The following PASK variants were observed in gnomAD, a reference collection of about 807,000 sequenced individuals.
The protein encoded by PASK is PAS domain-containing serine/threonine-protein kinase.
PASK carries 110 observed loss-of-function variants against 121.0 expected under a neutral mutation model. That is an observed-to-expected ratio of 0.91 (90% CI 0.78 to 1.06). PASK has a LOEUF of 1.06. PASK is among the 50% of genes least tolerant of loss of function. The probability of loss-of-function intolerance (pLI) is 0.00; values close to 1 mark genes in which losing one functional copy is unlikely to be tolerated. For missense variants in PASK, 1,643 were observed against 1,702.3 expected, an observed-to-expected ratio of 0.97 and a Z score of 0.61; for synonymous variants, 686 against 717.8, an observed-to-expected ratio of 0.96 and a Z score of 0.71.
chr2:241,146,815 C>T (rs546111674), intron 1 of PASK, among the ~76,000 whole-genome samples: 1 of 152,298 alleles, frequency 6.6e-6, no homozygotes, highest in African/African-American at 2.4e-5. Flanking sequence ...GCACAGGTCC[C>T]CTGATTTCCT....
upstream of PASK, chr2:241,150,084 G>C (rs2067214285): frequency 7.9e-7 from 1 of 1,270,950 alleles, no homozygotes; most frequent in Admixed American, 4.0e-5. Flanking sequence ...GCACCTTGCA[G>C]CCACGGAAAG....
At chr2:241,139,816 A>G in intron 4 of PASK, 69 bp downstream of exon 4, 1 of 1,439,410 alleles carries the variant, frequency 6.9e-7, no homozygotes, top group Non-Finnish European at 9.7e-7. Flanking sequence ...GGTAGGGAAC[A>G]CTGAGCTGTT....
In PASK at chr2:241,140,023, G is replaced by A. The variant is rs2066629871; in HGVS notation, c.462C>T (p.Leu154=). ...ILVANDKACG[L]LGYSSQDLIG... ...TCAGGTCCTGGCTGCTGTACCCCAGGAGCCCGCAAGCTTTGTCGTTAGCAA... is the reference window on the plus strand; with the variant it reads ...TCAGGTCCTGGCTGCTGTACCCCAGAAGCCCGCAAGCTTTGTCGTTAGCAA... The change falls in exon 4 of 18, where the codon CTC becomes CTT. Residue 154 remains leucine (L), a synonymous_variant. Coordinates refer to ENST00000234040, the MANE Select transcript of PASK (RefSeq NM_015148.4). The A allele has an allele frequency of 5.0e-6, 8 of 1,614,036 alleles. No homozygotes were observed. Among genetic ancestry groups the A allele is most frequent in the South Asian group, 1.1e-5 (1 of 91,086 alleles).
In PASK at chr2:241,108,245, C is replaced by T. The variant is rs1472679481; in HGVS notation, c.3589G>A (p.Val1197Ile). ...WSLGVTLYTL[V>I]FEENPFCELE... ...TCACAGAAGGGGTTCTCCTCAAAGA[C>T]CAGCGTGTACAGAGTGACTCCCAGA... The change falls in exon 16 of 18, where the codon GTC (valine) becomes ATC (isoleucine). Residue 1197 changes from valine to isoleucine, a missense_variant. Val to Ile is a conservative substitution (Grantham distance 29). This residue lies in a region of PASK where 453 missense variants were observed against 511.2 expected (regional missense o/e 0.89). Coordinates refer to ENST00000234040, the MANE Select transcript of PASK (RefSeq NM_015148.4). The surrounding 1 kb of genome is among the most constrained non-coding windows in gnomAD (Gnocchi z 5.2). 1 of 1,613,960 alleles carries T rather than the reference C, an allele frequency of 6.2e-7. No homozygotes were observed. Among genetic ancestry groups the T allele is most frequent in the South Asian group, 1.1e-5 (1 of 91,070 alleles).
chr2:241,139,301 C>T (rs1300376186), intron 4 of PASK, among the ~76,000 whole-genome samples: 1 of 152,176 alleles, frequency 6.6e-6, no homozygotes, highest in East Asian at 1.9e-4. Flanking sequence ...TGCCCTCCAA[C>T]GCTACTCCCC....
Position 241,112,683 on chromosome 2 carries a change from G to A in PASK, c.3334-244C>T. On this transcript the variant is annotated intron_variant, in intron 14 of 17. Transcript: ENST00000234040. The surrounding 1 kb of genome is among the most constrained non-coding windows in gnomAD (Gnocchi z 5.2). ...GCCGGCAAGGTGGCAACATCAATGA[G>A]ACTCGTGAGTTCTGTTTGCTGCTGA... The A allele has an allele frequency of 4.1e-6, 2 of 482,022 alleles. No homozygotes were observed. The highest frequency in any genetic ancestry group is 7.5e-6 in the Non-Finnish European group (2 of 266,392). 29.9% of individuals were successfully genotyped at this position (482,022 alleles called of 1,614,324 possible).
chr2:241,114,824 G>A (rs1391642222), intron 14 of PASK: 25 of 1,459,024 alleles, frequency 1.7e-5, no homozygotes, highest in Non-Finnish European at 2.3e-5. Context: ...GTCATTCCAG[G>A]ACTGTATCTG....
At chr2:241,113,015 CAAT>C (rs1445384539) in intron 14 of PASK, among the ~76,000 whole-genome samples, 5 of 152,234 alleles carry the variant, frequency 3.3e-5, no homozygotes, top group Admixed American at 1.3e-4. Context: ...TGTGGCTACT[CAAT>C]GATGCAGACT....
intron 2 of PASK, among the ~76,000 whole-genome samples, chr2:241,142,012 T>C (rs1163532034): frequency 1.3e-5 from 2 of 152,084 alleles, no homozygotes; most frequent in African/African-American, 4.8e-5. Flanking sequence ...CAACACTCAC[T>C]GAGAACATTC....
chr2:241,115,714 C>T (rs1388793493), intron 12 of PASK, among the ~76,000 whole-genome samples: 1 of 121,530 alleles, frequency 8.2e-6, no homozygotes, highest in Non-Finnish European at 1.7e-5. Flanking sequence ...CCCATTACAC[C>T]GGGGCCACCC....
chr2:241,118,231 A>G (rs895808300), intron 12 of PASK, among the ~76,000 whole-genome samples: 1 of 152,182 alleles, frequency 6.6e-6, no homozygotes, highest in Non-Finnish European at 1.5e-5. Context: ...AAAAAAAAAA[A>G]CACAAAGTTG....
At chr2:241,121,374 G>A (rs970402950) in intron 12 of PASK, among the ~76,000 whole-genome samples, 1 of 152,102 alleles carries the variant, frequency 6.6e-6, no homozygotes, top group African/African-American at 2.4e-5. Context: ...AAATCATGAT[G>A]AAATATTAAA....
At position 241,113,939 on chromosome 2, in the gene PASK, T is replaced by C. The variant is rs886713818; in HGVS notation, c.3333+1104A>G. Reference sequence around the variant, plus strand: ...ATAAAATTGTGCATCTGTATTTACATAGAATAACATTTATGTCTATATATT... The same window carrying C: ...ATAAAATTGTGCATCTGTATTTACACAGAATAACATTTATGTCTATATATT... On this transcript the variant is annotated intron_variant, in intron 14 of 17. Transcript: ENST00000234040. 2.5e-5 allele frequency: 25 copies of C among 982,742 alleles called. No individual in the cohort carries two copies. In the African/African-American group the frequency reaches 3.1e-4, roughly 12 times the overall value. The allele number at this position is 982,742 out of a possible 1,614,324, so 60.9% of individuals were successfully genotyped here.
At chr2:241,124,206 T>C in intron 10 of PASK, 73 bp from the exon 11 acceptor site, 1 of 1,268,866 alleles carries the variant, frequency 7.9e-7, no homozygotes, top group South Asian at 1.2e-5. Flanking sequence ...GTTAGAAAAG[T>C]CCAGTCCCCA....
intron 15 of PASK, among the ~76,000 whole-genome samples, chr2:241,110,549 CCT>C (rs2125401821): frequency 6.6e-6 from 1 of 152,310 alleles, no homozygotes; most frequent in South Asian, 2.1e-4. Context: ...AGGGCAGAGC[CCT>C]GGCAGGGCAG....
chr2:241,109,051 A>G (rs1442309478), intron 15 of PASK: 5 of 109,910 alleles, frequency 4.5e-5, no homozygotes, highest in Non-Finnish European at 8.4e-5. Context: ...CCACGCTACC[A>G]TTTATTTCCT....
chr2:241,139,700 C>T (rs1340723657), intron 4 of PASK, 185 bp downstream of exon 4: 5 of 713,496 alleles, frequency 7.0e-6, no homozygotes, highest in South Asian at 4.5e-5. Context: ...TCTTAAAGGG[C>T]CCCCACCCCC....
intron 12 of PASK, among the ~76,000 whole-genome samples, chr2:241,117,217 A>T (rs1473210733): frequency 3.9e-5 from 6 of 152,218 alleles, no homozygotes; most frequent in South Asian, 2.1e-4. Flanking sequence ...CTTGGGTGCC[A>T]GCCTGTGAGA....
chr2:241,141,323 C>T (rs1183782163), intron 2 of PASK, among the ~76,000 whole-genome samples: 3 of 152,196 alleles, frequency 2.0e-5, no homozygotes, highest in Non-Finnish European at 4.4e-5. Context: ...AAGGTTCCTT[C>T]CTTCCCACCT....
Sources: gnomAD v4.1 joint callset for allele counts (sites outside exome capture counted in the v4.1 genomes callset) on GRCh38, gnomAD v4.1.1 for gene constraint, gnomAD v4.1.1 regional missense constraint, Gnocchi (gnomAD v3.1) non-coding constraint, MANE v1.5 for transcripts, NCBI Gene and HGNC (gene_info 2026-07-23, HGNC 2026-07-21) for gene names.